The following ERAP1 variants were observed in gnomAD, a reference collection of about 807,000 sequenced individuals.
The protein encoded by ERAP1 is adipocyte-derived leucine aminopeptidase.
ERAP1 carries 86 observed loss-of-function variants against 103.7 expected under a neutral mutation model. That is an observed-to-expected ratio of 0.83 (90% CI 0.70 to 0.99). The LOEUF (loss-of-function observed/expected upper bound fraction) is 0.99. ERAP1 is among the 50% of genes least tolerant of loss of function. ERAP1 has a pLI of 0.00. For synonymous variants in ERAP1, 398 were observed against 402.4 expected, an observed-to-expected ratio of 0.99 and a Z score of 0.13; for missense variants, 1,009 against 1,128.4, an observed-to-expected ratio of 0.89 and a Z score of 1.52.
Position 96,780,307 on chromosome 5 carries a change from C to A in ERAP1, c.2670+116G>T, listed in dbSNP as rs1458658162. ...ACACCATAGCATCCAAAAATAACTTCTAAATGACAATCCATTTCTAACTCA... is the reference window on the plus strand; with the variant it reads ...ACACCATAGCATCCAAAAATAACTTATAAATGACAATCCATTTCTAACTCA... On this transcript the variant is annotated intron_variant, in intron 18 of 18. Transcript: ENST00000443439. The A allele has an allele frequency of 4.0e-6, 3 of 741,860 alleles. No individual in the cohort carries two copies. The African/African-American group carries it at 5.5e-5, about 14-fold the overall frequency. 46.0% of individuals were successfully genotyped at this position (741,860 alleles called of 1,614,324 possible). A position where few individuals can be genotyped will look rare whatever the true frequency, so the allele number is the denominator to read the frequency against.
At chr5:96,813,475 A>C in the ERAP1 span, among the ~76,000 whole-genome samples, 1 of 152,134 alleles carries the variant, frequency 6.6e-6, no homozygotes, top group East Asian at 1.9e-4. Flanking sequence ...CAACATGGTG[A>C]AACCCTAGCT....
the ERAP1 span, among the ~76,000 whole-genome samples, chr5:96,820,317 A>G: frequency 2.0e-5 from 3 of 152,070 alleles, no homozygotes; most frequent in Non-Finnish European, 4.4e-5. Flanking sequence ...TCTCATTTTC[A>G]GAATTAGTAG....
At chr5:96,923,728 A>G in the ERAP1 span, among the ~76,000 whole-genome samples, 1 of 151,976 alleles carries the variant, frequency 6.6e-6, no homozygotes, top group Non-Finnish European at 1.5e-5. Flanking sequence ...AAGAAACTTC[A>G]TACACGTCAA....
chr5:96,837,715 G>C, the ERAP1 span, among the ~76,000 whole-genome samples: 1 of 152,246 alleles, frequency 6.6e-6, no homozygotes, highest in Non-Finnish European at 1.5e-5. Flanking sequence ...TGGAGGGTCA[G>C]TGTGACAGCC....
chr5:96,926,914 T>C, the ERAP1 span, among the ~76,000 whole-genome samples: 1 of 152,188 alleles, frequency 6.6e-6, no homozygotes, highest in East Asian at 1.9e-4. Flanking sequence ...TCTCCCAGGC[T>C]CAAGCGAACC....
the ERAP1 span, chr5:96,879,897 G>C: frequency 6.2e-7 from 1 of 1,614,146 alleles, no homozygotes; most frequent in Non-Finnish European, 8.5e-7. Flanking sequence ...AGGCTCCCCA[G>C]TGTGGTCATT....
the ERAP1 span, among the ~76,000 whole-genome samples, chr5:96,828,779 A>G: frequency 6.6e-6 from 1 of 152,192 alleles, no homozygotes; most frequent in Non-Finnish European, 1.5e-5. Context: ...AAAAAAATAT[A>G]TAGATTTTAA....
At chr5:96,906,033 G>A in the ERAP1 span, among the ~76,000 whole-genome samples, 1 of 147,616 alleles carries the variant, frequency 6.8e-6, no homozygotes, top group African/African-American at 2.5e-5. Context: ...GCTCAGCCTC[G>A]CAAATTGCTC....
the ERAP1 span, chr5:96,912,705 T>C: frequency 1.2e-6 from 2 of 1,607,588 alleles, no homozygotes; most frequent in South Asian, 2.2e-5. Flanking sequence ...TGGAATTACC[T>C]TTTAGAGCAA....
upstream of ERAP1, among the ~76,000 whole-genome samples, chr5:96,809,926 T>C (rs913042484): frequency 2.6e-5 from 4 of 152,230 alleles, no homozygotes; most frequent in Admixed American, 6.5e-5. Context: ...TAAATACATA[T>C]TGAAAGTCCA....
the ERAP1 span, among the ~76,000 whole-genome samples, chr5:96,815,695 C>T: frequency 3.3e-5 from 5 of 151,964 alleles, no homozygotes; most frequent in Non-Finnish European, 5.9e-5. Flanking sequence ...TACAGACACA[C>T]TCAGCCATTA....
At chr5:96,802,470 A>G (rs926090399) in intron 2 of ERAP1, among the ~76,000 whole-genome samples, 2 of 152,172 alleles carry the variant, frequency 1.3e-5, no homozygotes, top group African/African-American at 2.4e-5. Context: ...TCAGGGGGCT[A>G]TGAGTGAAAT....
chr5:96,918,987 A>T, the ERAP1 span: 1 of 152,238 alleles, frequency 6.6e-6, no homozygotes, highest in South Asian at 2.1e-4. Flanking sequence ...GAAAGAAAAG[A>T]TCACTCTACA....
the ERAP1 span, among the ~76,000 whole-genome samples, chr5:96,815,505 A>G: frequency 3.4e-5 from 5 of 145,252 alleles, no homozygotes; most frequent in African/African-American, 5.0e-5. Context: ...TCTGCCTCCC[A>G]TGTTCAAGCG....
Position 96,776,097 on chromosome 5 carries a change from C to A in ERAP1, c.*299G>T. On this transcript the variant is annotated 3_prime_UTR_variant, in exon 19 of 19. Coordinates refer to ENST00000443439, the MANE Select transcript of ERAP1 (RefSeq NM_001040458.3). The stretch of plus-strand genomic sequence containing the variant: ...AACATGGGGTACAGGGTTTTGGACA[C>A]GGGTGCTTAAGCATAAACTATAAAA... 1 of 1,320,416 alleles carries A rather than the reference C, an allele frequency of 7.6e-7. No homozygotes were observed. The highest frequency in any genetic ancestry group is 1.3e-5 in the South Asian group (1 of 74,716). 81.8% of individuals were successfully genotyped at this position (1,320,416 alleles called of 1,614,324 possible). A position where few individuals can be genotyped will look rare whatever the true frequency, so the allele number is the denominator to read the frequency against.
chr5:96,828,334 G>A, the ERAP1 span, among the ~76,000 whole-genome samples: 3 of 151,980 alleles, frequency 2.0e-5, no homozygotes, highest in Non-Finnish European at 4.4e-5. Context: ...GAATTACTAA[G>A]AATATAAAAG....
chr5:96,856,379 G>GAGAGAGAGAGAGAC, the ERAP1 span, among the ~76,000 whole-genome samples: 1 of 105,244 alleles, frequency 9.5e-6, no homozygotes, highest in Non-Finnish European at 1.9e-5. Flanking sequence ...GAGAGAGAGA[G>GAGAGAGAGAGAGAC]AGAGAGAGAG....
At chr5:96,879,840 CT>C in the ERAP1 span, 4 of 1,614,084 alleles carry the variant, frequency 2.5e-6, no homozygotes, top group Admixed American at 6.7e-5. Context: ...GATCCTGGGG[CT>C]TTCCCAGTAG....
the ERAP1 span, among the ~76,000 whole-genome samples, chr5:96,905,844 C>T: frequency 6.6e-5 from 10 of 151,910 alleles, no homozygotes; most frequent in African/African-American, 2.4e-4. Context: ...CCTGGGTGAC[C>T]GAATAATACT....
Sources: allele counts gnomAD v4.1 joint callset (sites outside exome capture counted in the v4.1 genomes callset), GRCh38; gene constraint gnomAD v4.1.1; transcripts MANE v1.5; gene names NCBI Gene and HGNC (gene_info 2026-07-23, HGNC 2026-07-21).